Variants in TCF7L2 observed in about 807,000 individuals in gnomAD.
TCF7L2 encodes transcription factor 7 like 2.
In TCF7L2, 23 loss-of-function variants were observed where a neutral mutation model predicts 77.9. The ratio of observed to expected loss-of-function variants is 0.30; its 90% confidence interval spans 0.21 to 0.42. TCF7L2 has a LOEUF of 0.42. TCF7L2 is among the 10% of genes least tolerant of loss of function. TCF7L2 has a pLI of 1.00. For synonymous variants in TCF7L2, 413 were observed against 340.2 expected (o/e 1.21, Z -2.36); for missense variants, 654 against 793.1 (o/e 0.82, Z 2.11).
At chr10:113,016,987 T>C (rs1040135962) in intron 4 of TCF7L2, among the ~76,000 whole-genome samples, 3 of 152,160 alleles carry the variant, frequency 2.0e-5, no homozygotes, top group African/African-American at 7.2e-5. Flanking sequence ...TTGAGGCTCA[T>C]GTCCAGTTTG....
chr10:113,154,935 A>T (rs2071545137), intron 11 of TCF7L2, among the ~76,000 whole-genome samples: 1 of 149,306 alleles, frequency 6.7e-6, no homozygotes, highest in Non-Finnish European at 1.5e-5. Flanking sequence ...TAAGAACCGC[A>T]GCACTGAAGC....
intron 5 of TCF7L2, among the ~76,000 whole-genome samples, chr10:113,118,998 A>G (rs1388986512): frequency 6.6e-6 from 1 of 152,202 alleles, no homozygotes; most frequent in African/African-American, 2.4e-5. Context: ...AGGCGCTGTC[A>G]TTCGTTCCTT....
At chr10:113,025,388 G>A (rs1432555407) in intron 4 of TCF7L2, among the ~76,000 whole-genome samples, 1 of 152,028 alleles carries the variant, frequency 6.6e-6, no homozygotes, top group Non-Finnish European at 1.5e-5. Flanking sequence ...ATAGGCGTGT[G>A]CCACCACTTC....
At chr10:112,961,982 T>G (rs1480323549) in intron 3 of TCF7L2, among the ~76,000 whole-genome samples, 13 of 152,176 alleles carry the variant, frequency 8.5e-5, no homozygotes. Flanking sequence ...CTTAAGGAAC[T>G]TGCAGCTGCA....
At chr10:113,003,564 C>G (rs1439540403) in intron 4 of TCF7L2, among the ~76,000 whole-genome samples, 2 of 152,202 alleles carry the variant, frequency 1.3e-5, no homozygotes, top group African/African-American at 4.8e-5. Flanking sequence ...CTTCTTGTAA[C>G]TTACCAAACG....
At chr10:113,161,921 G>A (rs868586773) in intron 13 of TCF7L2, among the ~76,000 whole-genome samples, 41 of 152,176 alleles carry the variant, frequency 2.7e-4, no homozygotes, top group African/African-American at 9.4e-4. Context: ...TTGAACACCC[G>A]GCAGGAGAGG....
intron 4 of TCF7L2, among the ~76,000 whole-genome samples, chr10:112,973,198 T>C (rs1475369731): frequency 6.6e-6 from 1 of 152,176 alleles, no homozygotes; most frequent in Non-Finnish European, 1.5e-5. Flanking sequence ...ACCCCCAGGG[T>C]GTCAGGTTCT....
chr10:113,145,880 C>T (rs1207033781), intron 7 of TCF7L2, 131 bp from the exon 8 acceptor site: 1 of 730,106 alleles, frequency 1.4e-6, no homozygotes, highest in South Asian at 2.0e-5. Context: ...CTGTACAATC[C>T]CCAAGATTTT....
At chr10:113,084,909 C>G (rs374769806) in intron 5 of TCF7L2, among the ~76,000 whole-genome samples, 5 of 147,108 alleles carry the variant, frequency 3.4e-5, no homozygotes, top group African/African-American at 5.0e-5. Context: ...CCACCCCCCC[C>G]CAAAAAAAAA....
At chr10:112,957,316 A>C (rs2033927772) in intron 3 of TCF7L2, among the ~76,000 whole-genome samples, 1 of 148,172 alleles carries the variant, frequency 6.7e-6, no homozygotes, top group East Asian at 2.1e-4. Flanking sequence ...CCCTGAGTGG[A>C]AGGGAAAATG....
intron 4 of TCF7L2, among the ~76,000 whole-genome samples, chr10:112,989,142 C>T (rs1225400440): frequency 1.3e-5 from 2 of 152,080 alleles, no homozygotes; most frequent in Non-Finnish European, 2.9e-5. Context: ...AATCCTTTTG[C>T]AAGTGAATAA....
intron 4 of TCF7L2, among the ~76,000 whole-genome samples, chr10:113,032,869 C>T (rs1039515353): frequency 2.0e-5 from 3 of 152,148 alleles, no homozygotes; most frequent in Non-Finnish European, 2.9e-5. Context: ...GATATTAGTG[C>T]TCTTTACATT....
In TCF7L2 at chr10:113,035,228, C is replaced by T. The variant is rs147619352; in HGVS notation, c.451-4797C>T. ...TTTTCCCTCACAACTTGAGTTAATC[C>T]GAAACGTTGCTATTAGGCCACCGGA... is the stretch of plus-strand genomic sequence containing the variant. On this transcript the variant is annotated intron_variant, in intron 4 of 13. Transcript: ENST00000627217. Among the ~76,000 whole-genome samples, 736 of 152,214 alleles carry T rather than the reference C, an allele frequency of 4.8e-3. 8 individuals are homozygous for T. The highest frequency in any genetic ancestry group is 0.017 in the African/African-American group (700 of 41,536).
chr10:113,049,664 C>T (rs574543461), intron 5 of TCF7L2, among the ~76,000 whole-genome samples: 27 of 152,256 alleles, frequency 1.8e-4, no homozygotes, highest in African/African-American at 5.8e-4. Flanking sequence ...CTTTGAAAGC[C>T]TTAGACAGAT....
chr10:112,967,367 A>G (rs2134735285), intron 4 of TCF7L2, among the ~76,000 whole-genome samples: 1 of 152,336 alleles, frequency 6.6e-6, no homozygotes, highest in Non-Finnish European at 1.5e-5. Flanking sequence ...CATTAGACTC[A>G]TACGACTCAT....
intron 5 of TCF7L2, among the ~76,000 whole-genome samples, chr10:113,099,814 GT>G (rs1203917863): frequency 3.9e-5 from 6 of 152,134 alleles, no homozygotes; most frequent in African/African-American, 1.2e-4. Context: ...CAATTGAGAA[GT>G]GGGAGCAGTG....
intron 4 of TCF7L2, among the ~76,000 whole-genome samples, chr10:112,978,938 T>A (rs2039965520): frequency 6.6e-6 from 1 of 152,182 alleles, no homozygotes; most frequent in South Asian, 2.1e-4. Context: ...CCCATTAACT[T>A]GTCATTTACA....
intron 11 of TCF7L2, among the ~76,000 whole-genome samples, chr10:113,156,167 T>G (rs2071849182): frequency 6.7e-6 from 1 of 149,056 alleles, no homozygotes; most frequent in African/African-American, 2.5e-5. Flanking sequence ...CAGGGTGGAG[T>G]GCAGTAGCAC....
At chr10:113,043,421 T>C (rs2052808251) in intron 5 of TCF7L2, among the ~76,000 whole-genome samples, 1 of 152,232 alleles carries the variant, frequency 6.6e-6, no homozygotes, top group African/African-American at 2.4e-5. Flanking sequence ...AAATTTTAGT[T>C]CCTGTAGCTG....
Sources: allele counts gnomAD v4.1 joint callset (sites outside exome capture counted in the v4.1 genomes callset), GRCh38; gene constraint gnomAD v4.1.1; transcripts MANE v1.5; gene names NCBI Gene and HGNC (gene_info 2026-07-23, HGNC 2026-07-21).